The following ZNF239 variants were observed in gnomAD, a reference collection of about 807,000 sequenced individuals.
The protein encoded by ZNF239 is zinc finger protein (C2H2) homologous to mouse MOK-2.
In ZNF239, 16 loss-of-function variants were observed where a neutral mutation model predicts 27.5. The ratio of observed to expected loss-of-function variants is 0.58; its 90% CI spans 0.39 to 0.88. ZNF239 has a LOEUF of 0.88. ZNF239 is among the 40% of genes least tolerant of loss of function. The pLI, the probability that ZNF239 is intolerant of heterozygous loss-of-function variation, is 0.00. For missense variants in ZNF239, 527 were observed against 551.9 expected (o/e 0.95, Z 0.45); for synonymous variants, 199 against 192.6 (o/e 1.03, Z -0.27).
intron 3 of ZNF239, among the ~76,000 whole-genome samples, chr10:43,559,922 A>C (rs1035311497): frequency 3.3e-5 from 5 of 152,230 alleles, no homozygotes; most frequent in Non-Finnish European, 5.9e-5. Context: ...TGGGTAAAAC[A>C]TCCTAAGAAA....
chr10:43,565,172 C>T (rs1280644656), intron 3 of ZNF239, among the ~76,000 whole-genome samples: 1 of 152,168 alleles, frequency 6.6e-6, no homozygotes, highest in Middle Eastern at 3.2e-3. Context: ...CAACCTCCAC[C>T]TTCCGGGTTT....
chr10:43,556,429 G>C lies in ZNF239; in HGVS notation c.*274C>G, dbSNP rs552756133. Reference sequence around the variant, plus strand: ...GCTTGAGAATAAATATAAAGTTCTTGCCGTTAAAATGCTGGGTAGAACATG... The same window carrying C: ...GCTTGAGAATAAATATAAAGTTCTTCCCGTTAAAATGCTGGGTAGAACATG... On this transcript the variant is annotated 3_prime_UTR_variant, in exon 4 of 4. Transcript: ENST00000374446. 6.0e-5 allele frequency: 22 copies of C among 367,908 alleles called. 1 individual carries two copies. The South Asian group carries it at 1.5e-3, about 25-fold the overall frequency. The allele number at this position is 367,908 out of a possible 1,614,324, so 22.8% of individuals were successfully genotyped here.
At chr10:43,565,295 G>A (rs544342142) in intron 3 of ZNF239, among the ~76,000 whole-genome samples, 27 of 152,046 alleles carry the variant, frequency 1.8e-4, no homozygotes, top group Non-Finnish European at 3.2e-4. Context: ...TGTTGGCCAG[G>A]CTGGTCTCGA....
chr10:43,562,931 G>A (rs1330110002), intron 3 of ZNF239, among the ~76,000 whole-genome samples: 1 of 151,642 alleles, frequency 6.6e-6, no homozygotes, highest in Non-Finnish European at 1.5e-5. Flanking sequence ...AGAAATTATA[G>A]GTATATGAAA....
intron 3 of ZNF239, among the ~76,000 whole-genome samples, chr10:43,565,049 G>A (rs777665235): frequency 4.6e-5 from 7 of 152,148 alleles, no homozygotes; most frequent in Non-Finnish European, 7.4e-5. Context: ...CCCAAGGGGT[G>A]AGAATTGGTT....
At chr10:43,568,324 C>G in intron 2 of ZNF239, 7 of 985,458 alleles carry the variant, frequency 7.1e-6, no homozygotes, top group Non-Finnish European at 8.4e-6. Flanking sequence ...TCACCCCATT[C>G]CCACCATTAT....
Position 43,556,410 on chromosome 10 carries a change from GAATA to G in ZNF239, c.*289_*292del, listed in dbSNP as rs1159535266. On this transcript the variant is annotated 3_prime_UTR_variant, in exon 4 of 4. Coordinates refer to ENST00000374446, the MANE Select transcript of ZNF239 (RefSeq NM_001099282.2). ...ACAAAGGGAAACATGCCCTGCTTGA[GAATA>G]AATATAAAGTTCTTGCCGTTAAAAT... 1 of 318,880 alleles carries G rather than the reference GAATA, an allele frequency of 3.1e-6. No homozygotes were observed. The highest frequency in any genetic ancestry group is 5.7e-6 in the Non-Finnish European group (1 of 174,066). The allele number at this position is 318,880 out of a possible 1,614,324, so 19.8% of individuals were successfully genotyped here.
chr10:43,559,936 T>C (rs1483541493), intron 3 of ZNF239, among the ~76,000 whole-genome samples: 3 of 152,178 alleles, frequency 2.0e-5, no homozygotes, highest in East Asian at 3.8e-4. Flanking sequence ...TAAGAAATCA[T>C]AGAAATTCAA....
intron 3 of ZNF239, among the ~76,000 whole-genome samples, chr10:43,565,344 A>G (rs941928559): frequency 6.6e-6 from 1 of 152,156 alleles, no homozygotes; most frequent in Non-Finnish European, 1.5e-5. Flanking sequence ...TCGGCCTCCC[A>G]AAGTGCTGGG....
chr10:43,571,247 C>T (rs747561157), intron 2 of ZNF239, among the ~76,000 whole-genome samples: 7 of 150,638 alleles, frequency 4.6e-5, no homozygotes, highest in Middle Eastern at 3.4e-3. Flanking sequence ...CTTTCTAGAG[C>T]CCATCTCTGC....
rs1209658833 is a variant in ZNF239, at chr10:43,574,545, A to G, written c.-262T>C. The G allele has an allele frequency of 6.6e-6, 1 of 152,262 alleles. No homozygotes were observed. The highest frequency in any genetic ancestry group is 1.5e-5 in the Non-Finnish European group (1 of 68,098). 9.4% of individuals were successfully genotyped at this position (152,262 alleles called of 1,614,324 possible). On this transcript the variant is annotated 5_prime_UTR_variant, in exon 1 of 4. Coordinates refer to ENST00000374446, the MANE Select transcript of ZNF239 (RefSeq NM_001099282.2). ...GGAAGCCCGGCCAGTCTCACCTCCC[A>G]CGTGGAACCCCACGCCTGCAGGGGC...
Position 43,557,309 on chromosome 10 carries a change from G to A in ZNF239, c.771C>T (p.His257=). 1 of 1,614,056 alleles carries A rather than the reference G, an allele frequency of 6.2e-7. No individual in the cohort carries two copies. The highest frequency in any genetic ancestry group is 8.5e-7 in the Non-Finnish European group (1 of 1,179,990). ...CACACTTATAAGGCTTCTCATCTGT[G>A]TGGACTGCCTGATGGATAAGCAGAC... ...SSSLLIHQAV[H]TDEKPYKCDK... Residue 257 remains histidine, a synonymous_variant, in exon 4 of 4, where the codon CAC becomes CAT. Transcript: ENST00000374446.
At chr10:43,568,563 T>C (rs1837836408) in intron 2 of ZNF239, 2 of 648,136 alleles carry the variant, frequency 3.1e-6, no homozygotes, top group Non-Finnish European at 1.9e-6. Flanking sequence ...CTAAACTAAG[T>C]AGTTGAACAT....
intron 3 of ZNF239, among the ~76,000 whole-genome samples, chr10:43,565,817 G>GA (rs36039838): frequency 3.4e-4 from 23 of 67,144 alleles, no homozygotes; most frequent in Non-Finnish European, 4.0e-4. Context: ...TCCATCTCAA[G>GA]AAAAAAAAAA....
Position 43,556,898 on chromosome 10 carries a change from G to A in ZNF239, c.1182C>T (p.Leu394=). The A allele has an allele frequency of 6.2e-7, 1 of 1,608,068 alleles. No homozygotes were observed. Among genetic ancestry groups the A allele is most frequent in the Non-Finnish European group, 8.5e-7 (1 of 1,178,150 alleles). The stretch of plus-strand genomic sequence containing the variant: ...AGGGCTTCTCTCCAGTGTGGACTCT[G>A]AGATGGATGCGAAGATCCGAGCTCT... ...FSQSSDLRIH[L]RVHTGEKPYH... is the part of the protein sequence containing the mutation. Residue 394 remains leucine, a synonymous_variant, in exon 4 of 4, where the codon CTC becomes CTT. Transcript: ENST00000374446.
intron 3 of ZNF239, among the ~76,000 whole-genome samples, chr10:43,566,565 C>T (rs1837665385): frequency 6.6e-6 from 1 of 152,200 alleles, no homozygotes; most frequent in East Asian, 1.9e-4. Flanking sequence ...GGATTATAGG[C>T]ATGAGCCACT....
chr10:43,570,256 C>T, intron 2 of ZNF239: 1 of 985,292 alleles, frequency 1.0e-6, no homozygotes. Flanking sequence ...TGTTCAAGGT[C>T]ACTGGTCTCC....
In ZNF239 at chr10:43,557,003, G is replaced by A. The variant is rs767776244; in HGVS notation, c.1077C>T (p.Ser359=). 2.6e-5 allele frequency: 42 copies of A among 1,613,816 alleles called. No individual in the cohort carries two copies. Among genetic ancestry groups the A allele is most frequent in the Non-Finnish European group, 3.2e-5 (38 of 1,179,976 alleles). Residue 359 remains serine, a synonymous_variant, in exon 4 of 4, where the codon AGC becomes AGT. Coordinates refer to ENST00000374446, the MANE Select transcript of ZNF239 (RefSeq NM_001099282.2). ...TGCACCGGTGAATGTGAAGGTTCGA[G>A]CTCTGACTGAAGCCCTTCCCACACT... ...CGECGKGFSQ[S]SNLHIHRCIH...
intron 3 of ZNF239, 111 bp downstream of exon 3, chr10:43,567,788 C>G (rs1298067759): frequency 3.5e-6 from 2 of 569,138 alleles, no homozygotes; most frequent in East Asian, 2.9e-4. Flanking sequence ...CAATTTTTAC[C>G]AAGTTCTTTA....
Sources: allele counts gnomAD v4.1 joint callset (sites outside exome capture counted in the v4.1 genomes callset), GRCh38; gene constraint gnomAD v4.1.1; transcripts MANE v1.5; gene names NCBI Gene and HGNC (gene_info 2026-07-23, HGNC 2026-07-21).